Variants in SUGCT observed in about 807,000 individuals in gnomAD.
SUGCT encodes succinyl-CoA:glutarate-CoA transferase, also known as succinyl-CoA:glutarate CoA-transferase.
A neutral mutation model predicts 55.0 loss-of-function variants in SUGCT; 41 were observed. The ratio of observed to expected loss-of-function variants is 0.74; its 90% CI spans 0.58 to 0.97. SUGCT has a LOEUF of 0.97. Among genes scored for constraint, SUGCT ranks in the 50% least tolerant of loss-of-function variants. The pLI, the probability that SUGCT is intolerant of heterozygous loss-of-function variation, is 0.00. For missense variants in SUGCT, 568 were observed against 547.8 expected, an observed-to-expected ratio of 1.04 and a Z score of -0.37; for synonymous variants, 187 against 200.4, an observed-to-expected ratio of 0.93 and a Z score of 0.56.
the SUGCT span, among the ~76,000 whole-genome samples, chr7:41,016,247 T>C: frequency 6.6e-6 from 1 of 152,214 alleles, no homozygotes; most frequent in Non-Finnish European, 1.5e-5. Flanking sequence ...TATTTATTTT[T>C]ATTTTTACGT....
At chr7:40,379,259 C>T (rs1784751763) in intron 9 of SUGCT, among the ~76,000 whole-genome samples, 1 of 152,130 alleles carries the variant, frequency 6.6e-6, no homozygotes, top group South Asian at 2.1e-4. Context: ...AGAATAAATT[C>T]CTATTGTTGT....
intron 6 of SUGCT, among the ~76,000 whole-genome samples, chr7:40,236,092 C>G (rs946159095): frequency 1.3e-5 from 2 of 152,032 alleles, no homozygotes; most frequent in African/African-American, 4.8e-5. Context: ...GAGTCTTTCT[C>G]TGTTGCCCAG....
chr7:40,235,616 C>T (rs1471287350), intron 6 of SUGCT, among the ~76,000 whole-genome samples: 1 of 152,180 alleles, frequency 6.6e-6, no homozygotes, highest in Non-Finnish European at 1.5e-5. Flanking sequence ...CGTGAGCCAC[C>T]GCATCCAGCC....
At chr7:40,732,257 G>T (rs1786930208) in intron 12 of SUGCT, among the ~76,000 whole-genome samples, 1 of 152,176 alleles carries the variant, frequency 6.6e-6, no homozygotes, top group African/African-American at 2.4e-5. Context: ...TGGTGACATT[G>T]CTGCTTCCCC....
chr7:40,676,461 A>G (rs1783982023), intron 12 of SUGCT, among the ~76,000 whole-genome samples: 2 of 151,776 alleles, frequency 1.3e-5, no homozygotes, highest in South Asian at 4.2e-4. Context: ...TCATCGAAGC[A>G]GAGACACACC....
At chr7:40,489,514 C>G (rs1057179314) in intron 11 of SUGCT, among the ~76,000 whole-genome samples, 4 of 151,992 alleles carry the variant, frequency 2.6e-5, no homozygotes, top group African/African-American at 4.8e-5. Context: ...AATCCCATCT[C>G]TACTAAAAAT....
the SUGCT span, among the ~76,000 whole-genome samples, chr7:40,902,290 C>A: frequency 6.6e-6 from 1 of 152,042 alleles, no homozygotes; most frequent in Non-Finnish European, 1.5e-5. Flanking sequence ...TTAAAAAAAT[C>A]AAAACCAGCC....
At chr7:40,485,651 A>C (rs1255333904) in intron 11 of SUGCT, among the ~76,000 whole-genome samples, 1 of 151,978 alleles carries the variant, frequency 6.6e-6, no homozygotes, top group Non-Finnish European at 1.5e-5. Flanking sequence ...TCCTAAGCTC[A>C]AGGGATCCTC....
chr7:40,839,362 C>T (rs1793161211), intron 13 of SUGCT, among the ~76,000 whole-genome samples: 1 of 152,134 alleles, frequency 6.6e-6, no homozygotes, highest in South Asian at 2.1e-4. Context: ...CCCACCTTAG[C>T]CTCCCAAGTA....
At chr7:40,814,232 G>T (rs976416125) in intron 13 of SUGCT, among the ~76,000 whole-genome samples, 3 of 151,904 alleles carry the variant, frequency 2.0e-5, no homozygotes, top group East Asian at 3.9e-4. Flanking sequence ...TCTTGTATCT[G>T]GATGTGTACC....
intron 9 of SUGCT, among the ~76,000 whole-genome samples, chr7:40,448,912 G>T (rs1224167713): frequency 6.7e-6 from 1 of 148,282 alleles, no homozygotes. Context: ...ATATGTGTGT[G>T]TGTGTGTATA....
chr7:40,749,379 A>G (rs2128711790), intron 12 of SUGCT, 55 bp from the exon 13 acceptor site: 3 of 1,441,248 alleles, frequency 2.1e-6, no homozygotes, highest in Middle Eastern at 1.7e-4. Flanking sequence ...ATGCCTTGCA[A>G]TTGAAGATGG....
intron 12 of SUGCT, among the ~76,000 whole-genome samples, chr7:40,522,312 A>G (rs1225655631): frequency 6.6e-6 from 1 of 152,116 alleles, no homozygotes; most frequent in Non-Finnish European, 1.5e-5. Context: ...CGTCCTCCTT[A>G]GAGAGGTCTG....
intron 2 of SUGCT, among the ~76,000 whole-genome samples, chr7:40,181,205 A>G (rs913520377): frequency 6.6e-6 from 1 of 152,180 alleles, no homozygotes; most frequent in Non-Finnish European, 1.5e-5. Context: ...ATTTATATAT[A>G]ATCTTAAAAA....
chr7:40,643,092 G>T (rs928218026), intron 12 of SUGCT, among the ~76,000 whole-genome samples: 6 of 152,110 alleles, frequency 3.9e-5, no homozygotes, highest in African/African-American at 1.4e-4. Flanking sequence ...TGTATTACTG[G>T]CAGTGGCACA....
At chr7:40,867,948 C>T in the SUGCT span, among the ~76,000 whole-genome samples, 23 of 152,100 alleles carry the variant, frequency 1.5e-4, no homozygotes, top group Non-Finnish European at 1.0e-4. Flanking sequence ...GTTATCATAG[C>T]GCCTACTCTA....
intron 12 of SUGCT, among the ~76,000 whole-genome samples, chr7:40,742,922 C>T (rs1439994313): frequency 6.6e-6 from 1 of 152,124 alleles, no homozygotes; most frequent in Admixed American, 6.5e-5. Context: ...AAGAATATTA[C>T]TCCAGTGTTT....
intron 7 of SUGCT, among the ~76,000 whole-genome samples, chr7:40,273,137 T>G (rs1792210991): frequency 6.6e-6 from 1 of 152,198 alleles, no homozygotes; most frequent in Non-Finnish European, 1.5e-5. Flanking sequence ...GGCATTACAT[T>G]ACAACTTTTG....
intron 1 of SUGCT, among the ~76,000 whole-genome samples, chr7:40,137,711 T>C (rs1376347152): frequency 6.6e-6 from 1 of 152,118 alleles, no homozygotes; most frequent in East Asian, 1.9e-4. Context: ...AGACATGTCT[T>C]GCTCTTTCAT....
Sources: gnomAD v4.1 joint callset for allele counts (sites outside exome capture counted in the v4.1 genomes callset) on GRCh38, gnomAD v4.1.1 for gene constraint, MANE v1.5 for transcripts, NCBI Gene and HGNC (gene_info 2026-07-23, HGNC 2026-07-21) for gene names.